Variants in CACNA1S observed in about 807,000 individuals in gnomAD.
CACNA1S encodes the protein voltage-dependent L-type calcium channel subunit alpha-1S.
In CACNA1S, 126 loss-of-function variants were observed where a neutral mutation model predicts 207.4. That is an observed-to-expected ratio of 0.61 (90% CI 0.53 to 0.70). The LOEUF (loss-of-function observed/expected upper bound fraction) is 0.70. Among genes scored for constraint, CACNA1S ranks in the 30% least tolerant of loss-of-function variants. CACNA1S has a pLI of 0.00. For missense variants in CACNA1S, 2,349 were observed against 2,422.8 expected (o/e 0.97, Z 0.64); for synonymous variants, 960 against 932.7 (o/e 1.03, Z -0.53).
chr1:201,086,165 G>A (rs559659141), intron 7 of CACNA1S, among the ~76,000 whole-genome samples: 20 of 152,326 alleles, frequency 1.3e-4, no homozygotes, highest in Middle Eastern at 3.4e-3. Flanking sequence ...TAGTCTCTGA[G>A]GAGCTGCGCC....
At chr1:201,059,046 T>C in intron 27 of CACNA1S, 143 bp downstream of exon 27, 1 of 623,170 alleles carries the variant, frequency 1.6e-6, no homozygotes, top group Middle Eastern at 4.2e-4. Context: ...AAGGTGGAAG[T>C]GGGCAAAGGG....
chr1:201,055,990 C>A (rs368003235), intron 28 of CACNA1S, among the ~76,000 whole-genome samples: 28 of 152,114 alleles, frequency 1.8e-4, no homozygotes, highest in African/African-American at 6.5e-4. Context: ...ACCATGGAGG[C>A]TTTTGGGATA....
At chr1:201,109,285 A>C (rs1663015606) in intron 2 of CACNA1S, among the ~76,000 whole-genome samples, 1 of 151,768 alleles carries the variant, frequency 6.6e-6, no homozygotes, top group Non-Finnish European at 1.5e-5. Flanking sequence ...AGAGAGACCA[A>C]GCTGGAGGCC....
At chr1:201,105,889 T>G (rs781454996) in intron 2 of CACNA1S, among the ~76,000 whole-genome samples, 1 of 152,150 alleles carries the variant, frequency 6.6e-6, no homozygotes, top group African/African-American at 2.4e-5. Context: ...ACACGGCAAC[T>G]GAGGGAAGCC....
chr1:201,060,555 T>C, intron 26 of CACNA1S, 103 bp downstream of exon 26: 2 of 1,271,726 alleles, frequency 1.6e-6, no homozygotes, highest in Non-Finnish European at 1.1e-6. Flanking sequence ...GCACAAGAAA[T>C]GTCTACTGGG....
rs747054621 is a variant in CACNA1S, at chr1:201,047,143, C to T, written c.4640G>A (p.Arg1547Gln). 9.9e-6 allele frequency: 16 copies of T among 1,614,018 alleles called. No homozygotes were observed. The highest frequency in any genetic ancestry group is 4.5e-5 in the East Asian group (2 of 44,890). Reference protein sequence around the residue: ...MKRQEEYYGYRPKKDIVQIQA... With the variant: ...MKRQEEYYGYQPKKDIVQIQA... ...GATCTGTACAATGTCCTTCTTGGGC[C>T]GATAGCCATAATACTCCTCTTGGCG... Residue 1547 changes from arginine (R) to glutamine (Q), a missense_variant, in exon 38 of 44, where the codon CGG (arginine) becomes CAG (glutamine). Arg to Gln is a conservative substitution (Grantham distance 43). Coordinates refer to ENST00000362061, the MANE Select transcript of CACNA1S (RefSeq NM_000069.3).
In CACNA1S at chr1:201,060,773, C is replaced by T; in HGVS notation, c.3299G>A (p.Cys1100Tyr). 5 of 1,614,204 alleles carry T rather than the reference C, an allele frequency of 3.1e-6. No homozygotes were observed. Among genetic ancestry groups the T allele is most frequent in the Non-Finnish European group, 4.2e-6 (5 of 1,180,040 alleles). Reference sequence around the variant, plus strand: ...CTGGTATGGGTTTTTGGGAATGTAGCACCTCAGTGGGCGGGCCTTCAGGGC... The same window carrying T: ...CTGGTATGGGTTTTTGGGAATGTAGTACCTCAGTGGGCGGGCCTTCAGGGC... ...QYALKARPLRCYIPKNPYQYQ... is the reference protein window; with the variant it reads ...QYALKARPLRYYIPKNPYQYQ... Residue 1100 changes from cysteine to tyrosine, a missense_variant, in exon 26 of 44, where the codon TGC becomes TAC. Cys to Tyr is a radical substitution (Grantham distance 194). Coordinates refer to ENST00000362061, the MANE Select transcript of CACNA1S (RefSeq NM_000069.3).
At chr1:201,094,250 T>C (rs1428555680) in intron 2 of CACNA1S, among the ~76,000 whole-genome samples, 2 of 152,114 alleles carry the variant, frequency 1.3e-5, no homozygotes, top group African/African-American at 2.4e-5. Flanking sequence ...ACTGAGGCCT[T>C]TTCTGGCCAC....
intron 41 of CACNA1S, 139 bp downstream of exon 41, chr1:201,041,365 G>T (rs1660189375): frequency 2.8e-6 from 2 of 719,926 alleles, no homozygotes; most frequent in Non-Finnish European, 5.1e-6. Context: ...TCCCATTCCA[G>T]GGCCCAGATG....
At chr1:201,094,460 C>G (rs139589977) in intron 2 of CACNA1S, among the ~76,000 whole-genome samples, 2 of 151,652 alleles carry the variant, frequency 1.3e-5, no homozygotes, top group African/African-American at 2.4e-5. Context: ...TTTCATTACT[C>G]GACTTCCAGA....
intron 22 of CACNA1S, among the ~76,000 whole-genome samples, chr1:201,064,929 A>T (rs1661188718): frequency 6.6e-6 from 1 of 152,246 alleles, no homozygotes; most frequent in Non-Finnish European, 1.5e-5. Context: ...GGGCTGCCGC[A>T]GCCCAGCTGC....
chr1:201,062,554 G>C, intron 22 of CACNA1S, 40 bp from the exon 23 acceptor site: 1 of 1,587,732 alleles, frequency 6.3e-7, no homozygotes, highest in South Asian at 1.1e-5. Flanking sequence ...GAGGCATGTT[G>C]TCATGGAAAC....
At chr1:201,104,094 A>C (rs1258265744) in intron 2 of CACNA1S, among the ~76,000 whole-genome samples, 1 of 152,384 alleles carries the variant, frequency 6.6e-6, no homozygotes, top group Admixed American at 6.5e-5. Context: ...AGGATGCCAT[A>C]TCTTTGTAAT....
chr1:201,069,709 C>T (rs752933589), intron 17 of CACNA1S, 108 bp from the exon 18 acceptor site: 34 of 1,361,174 alleles, frequency 2.5e-5, no homozygotes, highest in Non-Finnish European at 3.3e-5. Flanking sequence ...CTGCTCCTCC[C>T]TGGCCAGGAG....
chr1:201,070,465 C>T (rs1661408712), intron 16 of CACNA1S, 61 bp from the exon 17 acceptor site: 1 of 1,607,232 alleles, frequency 6.2e-7, no homozygotes, highest in South Asian at 1.1e-5. Context: ...CCCATGGCTT[C>T]TGTGCTCAGA....
At position 201,039,794 on chromosome 1, in the gene CACNA1S, A is replaced by C. The variant is rs1660050276; in HGVS notation, c.*37T>G. On this transcript the variant is annotated 3_prime_UTR_variant, in exon 44 of 44. Transcript: ENST00000362061. ...AGCAACTTCCCCACCCCCATTGGTC[A>C]TGCCAGCTCTAAGCCCATGCTGATG... The C allele has an allele frequency of 6.2e-7, 1 of 1,600,044 alleles. No homozygotes were observed. Among genetic ancestry groups the C allele is most frequent in the Admixed American group, 1.7e-5 (1 of 60,004 alleles).
rs1014528239 is a variant in CACNA1S, at chr1:201,077,216, G to A, written c.1620-89C>T. The A allele has an allele frequency of 1.5e-5, 16 of 1,090,404 alleles. No homozygotes were observed. The African/African-American group carries it at 2.5e-4, about 17-fold the overall frequency. 67.5% of individuals were successfully genotyped at this position (1,090,404 alleles called of 1,614,324 possible). A position where few individuals can be genotyped will look rare whatever the true frequency, so the allele number is the denominator to read the frequency against. Reference sequence around the variant, plus strand: ...GGACAGGCTTGGGGGAAAGACTCAGGACTGATGTGACACAGAGGGAGGGGG... The same window carrying A: ...GGACAGGCTTGGGGGAAAGACTCAGAACTGATGTGACACAGAGGGAGGGGG... On this transcript the variant is annotated intron_variant, in intron 11 of 43. Coordinates refer to ENST00000362061, the MANE Select transcript of CACNA1S (RefSeq NM_000069.3).
At chr1:201,083,348 T>A in intron 9 of CACNA1S, 26 bp from the exon 10 acceptor site, 1 of 1,613,230 alleles carries the variant, frequency 6.2e-7, no homozygotes, top group Non-Finnish European at 8.5e-7. Flanking sequence ...GAGGATGGTC[T>A]ACAGTGCTGT....
chr1:201,048,720 G>A (rs1404875449), intron 35 of CACNA1S, 36 bp from the exon 36 acceptor site: 5 of 1,572,212 alleles, frequency 3.2e-6, no homozygotes, highest in Non-Finnish European at 4.4e-6. Flanking sequence ...CCGCTGAGCT[G>A]GGACCAGGCC....
Sources: allele counts gnomAD v4.1 joint callset (sites outside exome capture counted in the v4.1 genomes callset), GRCh38; gene constraint gnomAD v4.1.1; transcripts MANE v1.5; gene names NCBI Gene and HGNC (gene_info 2026-07-23, HGNC 2026-07-21).